SEC24D: variants seen among roughly 807,000 people sequenced by gnomAD.
SEC24D encodes the protein SEC24 homolog D, COPII component.
In SEC24D, 69 loss-of-function variants were observed where a neutral mutation model predicts 116.9. The observed-to-expected ratio is 0.59, with a 90% CI of 0.49 to 0.72. The LOEUF is 0.72. Among genes scored for constraint, SEC24D ranks in the 30% least tolerant of loss-of-function variants. The pLI, the probability that SEC24D is intolerant of heterozygous loss-of-function variation, is 0.00. For synonymous variants in SEC24D, 405 were observed against 442.8 expected, an observed-to-expected ratio of 0.91 and a Z score of 1.07; for missense variants, 1,131 against 1,264.1, an observed-to-expected ratio of 0.89 and a Z score of 1.60.
intron 11 of SEC24D, among the ~76,000 whole-genome samples, chr4:118,755,464 C>T (rs77746511): frequency 3.5e-5 from 3 of 85,084 alleles, no homozygotes; most frequent in African/African-American, 1.2e-4. Context: ...AACAAACAGA[C>T]AAAAAAAAAA....
chr4:118,734,694 C>T (rs1035388211), intron 19 of SEC24D, among the ~76,000 whole-genome samples: 1 of 152,184 alleles, frequency 6.6e-6, no homozygotes, highest in African/African-American at 2.4e-5. Flanking sequence ...CTCAGGCAAA[C>T]GTATTTCAGA....
intron 3 of SEC24D, 88 bp downstream of exon 3, chr4:118,824,532 T>C: frequency 7.0e-7 from 1 of 1,423,786 alleles, no homozygotes; most frequent in Non-Finnish European, 9.7e-7. Flanking sequence ...CGTCAAACTT[T>C]CAACCAATAA....
At chr4:118,773,103 A>C (rs1032150670) in intron 8 of SEC24D, among the ~76,000 whole-genome samples, 7 of 152,014 alleles carry the variant, frequency 4.6e-5, no homozygotes, top group South Asian at 2.1e-4. Context: ...TTAAAAAAAA[A>C]CTTATTTTAC....
intron 22 of SEC24D, among the ~76,000 whole-genome samples, chr4:118,724,243 G>A (rs770391982): frequency 2.0e-5 from 3 of 152,020 alleles, no homozygotes; most frequent in Non-Finnish European, 4.4e-5. Context: ...AGGTGGAAAG[G>A]GGGTAGATTG....
At chr4:118,811,702 TA>T (rs1165896706) in intron 6 of SEC24D, among the ~76,000 whole-genome samples, 1 of 152,142 alleles carries the variant, frequency 6.6e-6, no homozygotes, top group African/African-American at 2.4e-5. Flanking sequence ...CATAATGAAG[TA>T]AAACCATTAC....
intron 21 of SEC24D, chr4:118,730,214 C>T (rs570761963): frequency 6.6e-6 from 1 of 152,334 alleles, no homozygotes; most frequent in South Asian, 2.1e-4. Context: ...TCTTCAGACT[C>T]ATAGTTCTTT....
intron 22 of SEC24D, among the ~76,000 whole-genome samples, chr4:118,725,750 G>A (rs1230711947): frequency 1.3e-5 from 2 of 152,136 alleles, no homozygotes; most frequent in Non-Finnish European, 2.9e-5. Context: ...AAGCTACAGT[G>A]ATTAATATCC....
chr4:118,726,115 A>C (rs1286283716), intron 22 of SEC24D, among the ~76,000 whole-genome samples: 1 of 152,188 alleles, frequency 6.6e-6, no homozygotes, highest in Non-Finnish European at 1.5e-5. Context: ...AGAGGTCTTA[A>C]AGAATTAATG....
intron 22 of SEC24D, 66 bp downstream of exon 22, chr4:118,728,495 G>T: frequency 1.1e-6 from 1 of 875,276 alleles, no homozygotes. Context: ...TATAGGGTGT[G>T]CATGTTAAGT....
chr4:118,809,394 T>C (rs1025965910), intron 6 of SEC24D, among the ~76,000 whole-genome samples: 1 of 152,170 alleles, frequency 6.6e-6, no homozygotes, highest in Admixed American at 6.6e-5. Flanking sequence ...CCAAAAGGGT[T>C]ATAATAAGCA....
At chr4:118,822,665 G>T (rs1234276049) in intron 3 of SEC24D, among the ~76,000 whole-genome samples, 1 of 152,060 alleles carries the variant, frequency 6.6e-6, no homozygotes, top group East Asian at 1.9e-4. Context: ...TTGACCTCCT[G>T]GGCTCAAGCA....
chr4:118,727,836 A>G (rs1412651162), intron 22 of SEC24D, among the ~76,000 whole-genome samples: 1 of 152,144 alleles, frequency 6.6e-6, no homozygotes, highest in Non-Finnish European at 1.5e-5. Context: ...GTTTGCATGC[A>G]TGAGTTACTT....
chr4:118,777,422 A>G (rs934486619), intron 8 of SEC24D, among the ~76,000 whole-genome samples: 4 of 152,188 alleles, frequency 2.6e-5, no homozygotes, highest in African/African-American at 9.7e-5. Flanking sequence ...AGCTTCATCC[A>G]TGACCCTAAA....
chr4:118,800,053 C>A (rs1463587176), intron 7 of SEC24D, among the ~76,000 whole-genome samples: 1 of 151,986 alleles, frequency 6.6e-6, no homozygotes, highest in Non-Finnish European at 1.5e-5. Flanking sequence ...GGGAGAGAGG[C>A]TGGCTTTCGA....
rs374370954 is a variant in SEC24D at position 118,752,843 on chromosome 4, T to C, written c.1467A>G (p.Thr489=). The change falls in exon 12 of 23, where the codon ACA becomes ACG. Residue 489 remains threonine, a synonymous_variant. Coordinates refer to ENST00000280551, the MANE Select transcript of SEC24D (RefSeq NM_014822.4). The part of the protein sequence containing the change: ...ETSAIRVGFI[T]YNKVLHFFNV... ...TAAAGAAATGGAGAACTTTGTTATATGTGATAAAACCCACTCGAATTGCAG... is the reference window on the plus strand; with the variant it reads ...TAAAGAAATGGAGAACTTTGTTATACGTGATAAAACCCACTCGAATTGCAG... 7 of 1,607,278 alleles carry C rather than the reference T, an allele frequency of 4.4e-6. No homozygotes were observed. Among genetic ancestry groups the C allele is most frequent in the Middle Eastern group, 3.3e-4 (2 of 6,060 alleles).
intron 2 of SEC24D, among the ~76,000 whole-genome samples, chr4:118,831,613 A>ATTTT (rs749221927): frequency 7.1e-6 from 1 of 141,618 alleles, no homozygotes; most frequent in Non-Finnish European, 1.6e-5. Flanking sequence ...GATTTTTTTG[A>ATTTT]TTTTTTTTTT....
Position 118,738,269 on chromosome 4 carries a change from C to T in SEC24D, c.2488G>A (p.Ala830Thr). The T allele has an allele frequency of 6.2e-7, 1 of 1,609,870 alleles. No homozygotes were observed. Among genetic ancestry groups the T allele is most frequent in the Non-Finnish European group, 8.5e-7 (1 of 1,176,192 alleles). The change falls in exon 19 of 23, where the codon GCA (alanine) becomes ACA (threonine). Residue 830 changes from alanine (A) to threonine (T), a missense_variant. Physicochemically the swap from Ala to Thr is moderately conservative, Grantham distance 58. Transcript: ENST00000280551. ...YRKNCASPSA[A>T]SQLILPDSMK... ...TGCAATAGGTAGCTCACCTGGCTTG[C>T]TGCAGAAGGACTTGCACAATTCTTC...
In SEC24D at chr4:118,740,822, A is replaced by G. The variant is rs1368489814; in HGVS notation, c.2093-14T>C. On this transcript the variant is annotated splice_polypyrimidine_tract_variant and intron_variant, in intron 16 of 22. Coordinates refer to ENST00000280551, the MANE Select transcript of SEC24D (RefSeq NM_014822.4). Reference sequence around the variant, plus strand: ...TGGCTCTGAAACCTAAAGATAAGGGAAAAAGGGAAATTTTGCTTGTCTTTA... The same window carrying G: ...TGGCTCTGAAACCTAAAGATAAGGGGAAAAGGGAAATTTTGCTTGTCTTTA... 1 of 1,612,488 alleles carries G rather than the reference A, an allele frequency of 6.2e-7. No homozygotes were observed. Among genetic ancestry groups the G allele is most frequent in the African/African-American group, 1.3e-5 (1 of 74,834 alleles).
chr4:118,746,692 C>T (rs1296465603), intron 13 of SEC24D, among the ~76,000 whole-genome samples: 3 of 152,130 alleles, frequency 2.0e-5, no homozygotes, highest in Non-Finnish European at 4.4e-5. Flanking sequence ...GAATCCATTT[C>T]TCCAGCTCTC....
Sources: gnomAD v4.1 joint callset for allele counts (sites outside exome capture counted in the v4.1 genomes callset) on GRCh38, gnomAD v4.1.1 for gene constraint, MANE v1.5 for transcripts, NCBI Gene and HGNC (gene_info 2026-07-23, HGNC 2026-07-21) for gene names.